PDE4D: variants seen among roughly 807,000 people sequenced by gnomAD.
PDE4D encodes the protein 3',5'-cyclic-AMP phosphodiesterase 4D.
A neutral mutation model predicts 87.4 loss-of-function variants in PDE4D; 24 were observed. The observed-to-expected ratio is 0.27, with a 90% confidence interval of 0.20 to 0.39. The LOEUF (loss-of-function observed/expected upper bound fraction) is 0.39, where lower values mean the gene tolerates loss of function less well. Among genes scored for constraint, PDE4D ranks in the 10% least tolerant of loss-of-function variants. The probability of loss-of-function intolerance (pLI) is 1.00; values close to 1 mark genes in which losing one functional copy is unlikely to be tolerated. For missense variants in PDE4D, 714 were observed against 1,041.0 expected, an observed-to-expected ratio of 0.69 and a Z score of 4.32; for synonymous variants, 384 against 383.2, an observed-to-expected ratio of 1.00 and a Z score of -0.02.
Position 60,161,735 on chromosome 5 carries a change from CTAA to C in PDE4D, c.42+23819_42+23821del, listed in dbSNP as rs376803742. On this transcript the variant is annotated intron_variant, in intron 2 of 16. Coordinates refer to the PDE4D transcript ENST00000502484. ...CACTTGCAAGCTTTTTAATATGTTTCTAATAATAACATTTTGTCGTTACAGATG... is the reference window on the plus strand; with the variant it reads ...CACTTGCAAGCTTTTTAATATGTTTCTAATAACATTTTGTCGTTACAGATG... Among the ~76,000 whole-genome samples the C allele has an allele frequency of 3.1e-3, 469 of 152,200 alleles. 5 individuals are homozygous for C. The highest frequency in any genetic ancestry group is 0.011 in the African/African-American group (447 of 41,536).
intron 1 of PDE4D, among the ~76,000 whole-genome samples, chr5:59,343,145 C>T (rs1779041384): frequency 6.6e-6 from 1 of 152,094 alleles, no homozygotes; most frequent in East Asian, 1.9e-4. Flanking sequence ...TGTTGTTCCC[C>T]CCTATGTATC....
chr5:59,313,587 C>A (rs1468547162), intron 1 of PDE4D, among the ~76,000 whole-genome samples: 2 of 152,054 alleles, frequency 1.3e-5, no homozygotes, highest in Non-Finnish European at 2.9e-5. Flanking sequence ...AGATGGCTTA[C>A]TCATCTGCTC....
chr5:59,085,792 G>C (rs1001188915), intron 5 of PDE4D, among the ~76,000 whole-genome samples: 4 of 152,162 alleles, frequency 2.6e-5, no homozygotes, highest in African/African-American at 7.2e-5. Flanking sequence ...AATTGTACTT[G>C]ACAAACATTA....
chr5:59,707,043 A>G (rs1753518709), intron 1 of PDE4D, among the ~76,000 whole-genome samples: 1 of 152,228 alleles, frequency 6.6e-6, no homozygotes, highest in Non-Finnish European at 1.5e-5. Flanking sequence ...TAATGCATGA[A>G]GTAACCTCTC....
At chr5:60,195,613 T>C (rs943426227) in intron 1 of PDE4D, among the ~76,000 whole-genome samples, 3 of 151,670 alleles carry the variant, frequency 2.0e-5, no homozygotes, top group African/African-American at 7.2e-5. Flanking sequence ...TGGTATGCAA[T>C]GAACTGTGCT....
In PDE4D at chr5:59,985,124, G is replaced by GTTT. The variant is rs762506771; in HGVS notation, c.272+3361_272+3363dup. Among the ~76,000 whole-genome samples, 793 of 111,154 alleles carry GTTT rather than the reference G, an allele frequency of 7.1e-3. 135 individuals carry two copies. The highest frequency in any genetic ancestry group is 0.012 in the South Asian group (32 of 2,756). 72.9% of individuals were successfully genotyped at this position (111,154 alleles called of 152,430 possible). A position where few individuals can be genotyped will look rare whatever the true frequency, so the allele number is the denominator to read the frequency against. Reference sequence around the variant, plus strand: ...AATATAAGCCCGAACTTCACCTTTCGTTTTTTGTTTTTTGTTTTTTGTTTT... The same window carrying GTTT: ...AATATAAGCCCGAACTTCACCTTTCGTTTTTTTTTGTTTTTTGTTTTTTGTTTT... On this transcript the variant is annotated intron_variant, in intron 3 of 16. Transcript: ENST00000502484.
intron 1 of PDE4D, among the ~76,000 whole-genome samples, chr5:59,601,315 A>G (rs1827475646): frequency 6.6e-6 from 1 of 152,076 alleles, no homozygotes; most frequent in Non-Finnish European, 1.5e-5. Context: ...GTTTTTATAT[A>G]AACAGGTCAC....
chr5:59,332,181 C>T (rs1031318551), intron 1 of PDE4D, among the ~76,000 whole-genome samples: 1 of 152,126 alleles, frequency 6.6e-6, no homozygotes, highest in Non-Finnish European at 1.5e-5. Flanking sequence ...TTGTTTTTAT[C>T]TTGTAAACAT....
chr5:60,517,239 G>A (rs1269575313), intron 1 of PDE4D, among the ~76,000 whole-genome samples: 2 of 152,236 alleles, frequency 1.3e-5, no homozygotes, highest in Non-Finnish European at 2.9e-5. Context: ...GGGGGCCAAG[G>A]GGGAGCTGAG....
chr5:59,994,686 A>G (rs1163657361), intron 2 of PDE4D, among the ~76,000 whole-genome samples: 1 of 152,172 alleles, frequency 6.6e-6, no homozygotes, highest in African/African-American at 2.4e-5. Flanking sequence ...TGGTTTCTTA[A>G]TCATTATTTA....
intron 1 of PDE4D, among the ~76,000 whole-genome samples, chr5:59,664,977 T>C (rs984864072): frequency 4.6e-5 from 7 of 152,218 alleles, no homozygotes; most frequent in African/African-American, 7.2e-5. Context: ...TGTAGAGTCA[T>C]ACATCTAATT....
chr5:60,049,186 G>A (rs1275694336), intron 2 of PDE4D, among the ~76,000 whole-genome samples: 1 of 152,004 alleles, frequency 6.6e-6, no homozygotes, highest in Non-Finnish European at 1.5e-5. Flanking sequence ...CATTCTTCAT[G>A]TAGTTCTCGA....
chr5:60,421,804 T>C (rs781574259), intron 1 of PDE4D, among the ~76,000 whole-genome samples: 9 of 152,184 alleles, frequency 5.9e-5, no homozygotes, highest in Non-Finnish European at 8.8e-5. Flanking sequence ...TAAAAAATGT[T>C]GGACGAATGG....
intron 3 of PDE4D, among the ~76,000 whole-genome samples, chr5:59,941,981 T>C (rs1223828870): frequency 6.6e-6 from 1 of 152,176 alleles, no homozygotes; most frequent in East Asian, 1.9e-4. Context: ...TGAAGTTCTG[T>C]TCCTTCCAGG....
intron 1 of PDE4D, among the ~76,000 whole-genome samples, chr5:59,394,571 G>A (rs943992769): frequency 2.0e-5 from 3 of 147,936 alleles, no homozygotes; most frequent in Non-Finnish European, 4.5e-5. Context: ...ACAATTTATT[G>A]AGCATATACT....
At chr5:59,976,003 G>A (rs938075410) in intron 3 of PDE4D, among the ~76,000 whole-genome samples, 2 of 152,054 alleles carry the variant, frequency 1.3e-5, no homozygotes, top group South Asian at 2.1e-4. Context: ...TTTCTTGCAC[G>A]TGCCCTACTT....
intron 2 of PDE4D, among the ~76,000 whole-genome samples, chr5:60,027,340 C>T (rs181166380): frequency 1.2e-4 from 18 of 152,234 alleles, no homozygotes; most frequent in Admixed American, 3.9e-4. Flanking sequence ...GTTTTCTGTT[C>T]CTGCTTTAAT....
chr5:59,766,588 G>A (rs955972449), intron 1 of PDE4D, among the ~76,000 whole-genome samples: 1 of 152,144 alleles, frequency 6.6e-6, no homozygotes, highest in African/African-American at 2.4e-5. Flanking sequence ...TTCAGCAATG[G>A]GTGCAATTTA....
chr5:60,267,326 T>C (rs180996674), intron 1 of PDE4D, among the ~76,000 whole-genome samples: 1 of 152,336 alleles, frequency 6.6e-6, no homozygotes, highest in East Asian at 1.9e-4. Context: ...TTTATATCTT[T>C]CTGTATTTTC....
Sources: gnomAD v4.1 joint callset for allele counts (sites outside exome capture counted in the v4.1 genomes callset) on GRCh38, gnomAD v4.1.1 for gene constraint, MANE v1.5 for transcripts, NCBI Gene and HGNC (gene_info 2026-07-23, HGNC 2026-07-21) for gene names.